Variants in ZNF345 observed in about 807,000 individuals in gnomAD.
The protein encoded by ZNF345 is zinc finger protein HZF10.
For missense variants in ZNF345, 527 were observed against 589.9 expected (o/e 0.89, Z 1.10); for synonymous variants, 166 against 187.9 (o/e 0.88, Z 0.95).
intron 2 of ZNF345, among the ~76,000 whole-genome samples, chr19:36,857,413 TCTC>T: frequency 6.6e-6 from 1 of 152,086 alleles, no homozygotes; most frequent in African/African-American, 2.4e-5. Flanking sequence ...TTCACGCCAT[TCTC>T]CTGCCTCAGC....
chr19:36,879,804 T>C (rs2072957695), downstream of ZNF345, among the ~76,000 whole-genome samples: 1 of 152,202 alleles, frequency 6.6e-6, no homozygotes, highest in Non-Finnish European at 1.5e-5. Context: ...GTGGGTAGAA[T>C]CAATACCTCA....
downstream of ZNF345, among the ~76,000 whole-genome samples, chr19:36,882,593 A>G (rs1055845909): frequency 1.3e-5 from 2 of 152,074 alleles, no homozygotes; most frequent in African/African-American, 4.8e-5. Context: ...ATTAACTTCT[A>G]GATAATTATT....
intron 2 of ZNF345, among the ~76,000 whole-genome samples, chr19:36,863,305 C>A (rs2072592896): frequency 6.6e-6 from 1 of 152,132 alleles, no homozygotes; most frequent in Non-Finnish European, 1.5e-5. Flanking sequence ...ACTGTCTTAA[C>A]AGACAACATT....
downstream of ZNF345, among the ~76,000 whole-genome samples, chr19:36,882,668 C>T (rs917765362): frequency 3.3e-5 from 5 of 152,096 alleles, no homozygotes; most frequent in African/African-American, 1.2e-4. Flanking sequence ...GTGTGTGTTT[C>T]TAAATTTTCA....
intron 2 of ZNF345, among the ~76,000 whole-genome samples, chr19:36,868,487 C>T (rs150753636): frequency 3.9e-5 from 6 of 152,166 alleles, no homozygotes; most frequent in Non-Finnish European, 8.8e-5. Flanking sequence ...GTTCTTAGGC[C>T]AGTCCTTTTG....
intron 3 of ZNF345, chr19:36,888,963 G>A (rs1405508024): frequency 6.6e-6 from 1 of 152,130 alleles, no homozygotes; most frequent in African/African-American, 2.4e-5. Flanking sequence ...GTAGAGACAG[G>A]GTTTCGCCAT....
downstream of ZNF345, among the ~76,000 whole-genome samples, chr19:36,880,048 C>T (rs2072959291): frequency 6.6e-6 from 1 of 152,088 alleles, no homozygotes; most frequent in Non-Finnish European, 1.5e-5. Flanking sequence ...AGAATATTTG[C>T]TGCCAGGCAC....
At chr19:36,866,835 G>A (rs1350108824) in intron 2 of ZNF345, among the ~76,000 whole-genome samples, 2 of 152,220 alleles carry the variant, frequency 1.3e-5, no homozygotes, top group Non-Finnish European at 2.9e-5. Context: ...ACAGGCGTGA[G>A]CCGCCGCACC....
chr19:36,877,647 C>T lies in ZNF345; in HGVS notation c.817C>T (p.Leu273Phe). ...TAAGGCCTTTAGTTTTGGATCAGCC[C>T]TTACTCGACATCAAAGAATTCATAC... ...CGKAFSFGSA[L>F]TRHQRIHTGE... Residue 273 changes from leucine to phenylalanine, a missense_variant, in exon 3 of 3, where the codon CTT becomes TTT. Leu to Phe is a conservative substitution (Grantham distance 22, BLOSUM62 0). Transcript: ENST00000420450. The T allele has an allele frequency of 6.2e-7, 1 of 1,614,048 alleles. No individual in the cohort carries two copies.
chr19:36,864,386 G>A (rs1375198479), intron 2 of ZNF345, among the ~76,000 whole-genome samples: 1 of 152,018 alleles, frequency 6.6e-6, no homozygotes, highest in Admixed American at 6.6e-5. Flanking sequence ...TGTGGTGCAT[G>A]TGCCTGTATT....
intron 2 of ZNF345, among the ~76,000 whole-genome samples, chr19:36,874,504 A>ACG (rs34257728): frequency 6.9e-6 from 1 of 144,988 alleles, no homozygotes; most frequent in African/African-American, 2.7e-5. Flanking sequence ...AAAAAAAAAA[A>ACG]AGGGGGGTGG....
At chr19:36,851,074 C>T (rs1009860774) in intron 1 of ZNF345, 106 bp downstream of exon 1, 6 of 152,648 alleles carry the variant, frequency 3.9e-5, no homozygotes, top group African/African-American at 1.2e-4. Context: ...ACGGTTGTGA[C>T]TGGGGGCGTG....
downstream of ZNF345, among the ~76,000 whole-genome samples, chr19:36,881,530 A>G (rs1600721692): frequency 1.3e-5 from 2 of 152,178 alleles, no homozygotes; most frequent in Admixed American, 1.3e-4. Flanking sequence ...AGTCTCTTTT[A>G]TACCCCCCAG....
At chr19:36,876,356 T>C (rs1445500429) in intron 2 of ZNF345, among the ~76,000 whole-genome samples, 1 of 152,116 alleles carries the variant, frequency 6.6e-6, no homozygotes, top group Non-Finnish European at 1.5e-5. Flanking sequence ...AATGTAGTAC[T>C]CCCAACAACC....
intron 3 of ZNF345, chr19:36,892,178 T>G (rs780305474): frequency 6.2e-7 from 1 of 1,614,204 alleles, no homozygotes. Context: ...CCAGTGTGAA[T>G]CCTCTGATGT....
At chr19:36,885,434 AT>A (rs2072991175) in intron 3 of ZNF345, among the ~76,000 whole-genome samples, 1 of 151,928 alleles carries the variant, frequency 6.6e-6, no homozygotes, top group Admixed American at 6.6e-5. Flanking sequence ...TATGTTGCAA[AT>A]GCCTTTTGCT....
intron 3 of ZNF345, chr19:36,891,116 A>C: frequency 1.2e-5 from 2 of 169,088 alleles, no homozygotes; most frequent in Non-Finnish European, 1.3e-5. Flanking sequence ...AGACATACAC[A>C]GAGATACACA....
chr19:36,855,229 G>A (rs1453207276), intron 2 of ZNF345, among the ~76,000 whole-genome samples: 2 of 139,652 alleles, frequency 1.4e-5, no homozygotes, highest in Non-Finnish European at 3.1e-5. Flanking sequence ...TGCAAGCTCC[G>A]CCTCCCGGGT....
intron 3 of ZNF345, among the ~76,000 whole-genome samples, chr19:36,885,240 C>T (rs577093): frequency 0.26 from 38,713 of 151,434 alleles, 7,333 homozygotes; most frequent in African/African-American, 0.53. Flanking sequence ...TAGAAAGTTA[C>T]ATTTTCACTT....
Sources: gnomAD v4.1 joint callset for allele counts (sites outside exome capture counted in the v4.1 genomes callset) on GRCh38, gnomAD v4.1.1 for gene constraint, MANE v1.5 for transcripts, NCBI Gene and HGNC (gene_info 2026-07-23, HGNC 2026-07-21) for gene names.